TOMM34: variants seen among roughly 807,000 people sequenced by gnomAD.
TOMM34 encodes translocase of outer mitochondrial membrane 34.
A neutral mutation model predicts 37.4 loss-of-function variants in TOMM34; 24 were observed. That is an observed-to-expected ratio of 0.64 (90% CI 0.46 to 0.90). The LOEUF is 0.90. Among genes scored for constraint, TOMM34 ranks in the 40% least tolerant of loss-of-function variants. TOMM34 has a pLI of 0.00. For synonymous variants in TOMM34, 154 were observed against 148.9 expected (o/e 1.03, Z -0.25); for missense variants, 304 against 375.6 (o/e 0.81, Z 1.58).
intron 4 of TOMM34, among the ~76,000 whole-genome samples, chr20:44,949,777 T>G (rs1027405986): frequency 2.0e-5 from 3 of 152,222 alleles, no homozygotes; most frequent in South Asian, 4.1e-4. Context: ...TGGAGGAAAC[T>G]ATTATCCCCA....
chr20:44,946,746 A>G (rs1220393498), intron 5 of TOMM34, among the ~76,000 whole-genome samples: 2 of 152,228 alleles, frequency 1.3e-5, no homozygotes, highest in East Asian at 1.9e-4. Flanking sequence ...ACTATGTCCA[A>G]GACGTTCCAG....
intron 2 of TOMM34, 117 bp from the exon 3 acceptor site, chr20:44,955,337 C>G: frequency 1.5e-6 from 2 of 1,354,428 alleles, no homozygotes; most frequent in East Asian, 2.3e-5. Flanking sequence ...AATTTCTGGC[C>G]GAGAGACATG....
intron 5 of TOMM34, among the ~76,000 whole-genome samples, chr20:44,944,375 T>TC (rs2066962534): frequency 6.6e-6 from 1 of 152,224 alleles, no homozygotes; most frequent in Admixed American, 6.5e-5. Flanking sequence ...TTACATAAGT[T>TC]CATCTGTTCC....
chr20:44,953,745 A>G (rs2067046860), intron 3 of TOMM34, among the ~76,000 whole-genome samples: 1 of 151,982 alleles, frequency 6.6e-6, no homozygotes, highest in Non-Finnish European at 1.5e-5. Flanking sequence ...TACTTCCTAC[A>G]TGTCCCCTGA....
chr20:44,950,384 A>G (rs2067015968), intron 4 of TOMM34, among the ~76,000 whole-genome samples: 1 of 152,082 alleles, frequency 6.6e-6, no homozygotes, highest in Non-Finnish European at 1.5e-5. Context: ...AAGTCCTCAA[A>G]CACTAAGACT....
chr20:44,945,505 G>A lies in TOMM34; in HGVS notation c.699-1926C>T, dbSNP rs192232711. On this transcript the variant is annotated intron_variant, in intron 5 of 6. Coordinates refer to ENST00000372813, the MANE Select transcript of TOMM34 (RefSeq NM_006809.5). ...GTCTCTGGAAACACTCGCTCTTGGAGCCTTGAACTGACAGGGAAGAAGCCA... is the reference window on the plus strand; with the variant it reads ...GTCTCTGGAAACACTCGCTCTTGGAACCTTGAACTGACAGGGAAGAAGCCA... 3.2e-3 allele frequency among the ~76,000 whole-genome samples: 484 copies of A among 152,328 alleles called. 4 individuals carry two copies. Among genetic ancestry groups the A allele is most frequent in the African/African-American group, 0.011 (455 of 41,560 alleles).
At position 44,942,474 on chromosome 20, in the gene TOMM34, C is replaced by A. The variant is rs138727678; in HGVS notation, c.*635G>T. 657 of 153,134 alleles carry A rather than the reference C, an allele frequency of 4.3e-3. 9 individuals are homozygous for A. Among genetic ancestry groups the A allele is most frequent in the Non-Finnish European group, 5.1e-3 (347 of 68,366 alleles). 9.5% of individuals were successfully genotyped at this position (153,134 alleles called of 1,614,324 possible). On this transcript the variant is annotated 3_prime_UTR_variant, in exon 7 of 7. Transcript: ENST00000372813. ...TTAGGTGCCTCTCTGCAGAAGGCAG[C>A]AGCACAGAGTCAAGGACAACCATTC...
At chr20:44,958,872 T>C (rs375466037) in intron 1 of TOMM34, 3 of 151,280 alleles carry the variant, frequency 2.0e-5, no homozygotes, top group African/African-American at 4.9e-5. Flanking sequence ...AAAGGAGAGT[T>C]TTCTAGAACA....
intron 1 of TOMM34, among the ~76,000 whole-genome samples, chr20:44,957,182 ATCTT>A (rs1211243131): frequency 2.6e-5 from 4 of 152,014 alleles, no homozygotes; most frequent in African/African-American, 9.7e-5. Flanking sequence ...GGCCACCATG[ATCTT>A]TATTTACGTA....
intron 3 of TOMM34, chr20:44,952,690 G>C (rs754076103): frequency 1.3e-5 from 9 of 717,042 alleles, no homozygotes; most frequent in Non-Finnish European, 2.3e-5. Context: ...TCTGTCAACT[G>C]ATCTCCAGCA....
Position 44,948,710 on chromosome 20 carries a change from A to G in TOMM34, c.698+20T>C. 2 of 1,613,446 alleles carry G rather than the reference A, an allele frequency of 1.2e-6. No individual in the cohort carries two copies. The highest frequency in any genetic ancestry group is 8.5e-7 in the Non-Finnish European group (1 of 1,179,484). ...CAAATGTCCTGAAATGCCCCAGGCC[A>G]GCAGCTGTATAGGAGATACCTGTTG... On this transcript the variant is annotated intron_variant, in intron 5 of 6. Coordinates refer to ENST00000372813, the MANE Select transcript of TOMM34 (RefSeq NM_006809.5).
At chr20:44,947,655 C>T (rs955674749) in intron 5 of TOMM34, among the ~76,000 whole-genome samples, 3 of 152,118 alleles carry the variant, frequency 2.0e-5, no homozygotes, top group Admixed American at 1.3e-4. Context: ...TGTGCCACAG[C>T]GCCCAGCTGA....
rs994182275 is a variant in TOMM34, at chr20:44,955,048, C to G, written c.380+20G>C. ...GACAGGGAGTTGCCGTGGAGACCAC[C>G]TGCTGGGAATGGAGCTCACCTGTTG... On this transcript the variant is annotated intron_variant, in intron 3 of 6. Coordinates refer to ENST00000372813, the MANE Select transcript of TOMM34 (RefSeq NM_006809.5). 1.2e-6 allele frequency: 2 copies of G among 1,613,210 alleles called. No homozygotes were observed. The highest frequency in any genetic ancestry group is 4.5e-5 in the East Asian group (2 of 44,858).
chr20:44,958,164 G>GTC (rs2067093314), intron 1 of TOMM34, among the ~76,000 whole-genome samples: 1 of 151,148 alleles, frequency 6.6e-6, no homozygotes, highest in South Asian at 2.1e-4. Context: ...GTGTGTGTGT[G>GTC]TTAACAGGAA....
At chr20:44,953,979 C>T (rs936210575) in intron 3 of TOMM34, among the ~76,000 whole-genome samples, 1 of 152,192 alleles carries the variant, frequency 6.6e-6, no homozygotes, top group Non-Finnish European at 1.5e-5. Context: ...TTGGCCTCAC[C>T]AACCTGTCCC....
chr20:44,947,041 C>T (rs1312635395), intron 5 of TOMM34, among the ~76,000 whole-genome samples: 1 of 152,102 alleles, frequency 6.6e-6, no homozygotes, highest in Non-Finnish European at 1.5e-5. Context: ...AGTATCTAAA[C>T]AAGACAAAAC....
chr20:44,943,137 C>T lies in TOMM34; in HGVS notation c.902G>A (p.Arg301Gln), dbSNP rs758049930. Residue 301 changes from arginine to glutamine, a missense_variant, in exon 7 of 7, where the codon CGG becomes CAG. Arg to Gln is a conservative substitution (Grantham distance 43). Coordinates refer to ENST00000372813, the MANE Select transcript of TOMM34 (RefSeq NM_006809.5). The stretch of plus-strand genomic sequence containing the variant: ...GTGTAGGTTCTGCTTCACTTCCTGC[C>T]GCAACTTCTGTGCAGGACCATTCCT... ...EPRNGPAQKL[R>Q]QEVKQNLH The T allele has an allele frequency of 4.6e-5, 75 of 1,613,978 alleles. 1 individual carries two copies. The highest frequency in any genetic ancestry group is 4.6e-4 in the South Asian group (42 of 91,088).
intron 4 of TOMM34, among the ~76,000 whole-genome samples, chr20:44,950,405 T>C (rs2067016041): frequency 6.6e-6 from 1 of 152,208 alleles, no homozygotes. Flanking sequence ...CTAAAGCACA[T>C]GTTCCTCCTC....
At chr20:44,949,705 G>A (rs895207016) in intron 4 of TOMM34, among the ~76,000 whole-genome samples, 3 of 152,172 alleles carry the variant, frequency 2.0e-5, no homozygotes, top group Admixed American at 2.0e-4. Context: ...CCTGGTTTAA[G>A]AAAAAGAACA....
Sources: allele counts gnomAD v4.1 joint callset (sites outside exome capture counted in the v4.1 genomes callset), GRCh38; gene constraint gnomAD v4.1.1; transcripts MANE v1.5; gene names NCBI Gene and HGNC (gene_info 2026-07-23, HGNC 2026-07-21).